PPIP5K2: variants seen among roughly 807,000 people sequenced by gnomAD.
The protein encoded by PPIP5K2 is diphosphoinositol pentakisphosphate kinase 2, also known as inositol hexakisphosphate and diphosphoinositol-pentakisphosphate kinase 2.
PPIP5K2 carries 105 observed loss-of-function variants against 154.6 expected under a neutral mutation model. That is an observed-to-expected ratio of 0.68 (90% CI 0.58 to 0.80). The LOEUF (loss-of-function observed/expected upper bound fraction) is 0.80. PPIP5K2 is among the 30% of genes least tolerant of loss of function. The pLI is 0.00. For missense variants in PPIP5K2, 992 were observed against 1,504.6 expected, an observed-to-expected ratio of 0.66 and a Z score of 5.64; for synonymous variants, 480 against 490.3, an observed-to-expected ratio of 0.98 and a Z score of 0.28.
chr5:103,200,838 A>G (rs782753732), intron 30 of PPIP5K2, among the ~76,000 whole-genome samples: 8 of 151,844 alleles, frequency 5.3e-5, no homozygotes, highest in Admixed American at 2.0e-4. Context: ...GGGTCTCACT[A>G]TGTTGCCAGG....
intron 1 of PPIP5K2, among the ~76,000 whole-genome samples, chr5:103,128,386 C>CTTAT (rs10607990): frequency 0.16 from 23,765 of 148,264 alleles, 1,983 homozygotes; most frequent in Middle Eastern, 0.24. Context: ...TCTTATAGTT[C>CTTAT]TTATTTATTT....
intron 3 of PPIP5K2, among the ~76,000 whole-genome samples, chr5:103,134,305 T>C (rs569149661): frequency 1.3e-5 from 2 of 152,182 alleles, no homozygotes; most frequent in Non-Finnish European, 2.9e-5. Context: ...AAATTATTGC[T>C]GAGGGTACAT....
intron 17 of PPIP5K2, among the ~76,000 whole-genome samples, chr5:103,166,834 T>C (rs1201922564): frequency 6.6e-6 from 1 of 151,870 alleles, no homozygotes; most frequent in Admixed American, 6.6e-5. Context: ...GGGAAATAGA[T>C]CATCTTAGAG....
chr5:103,196,276 A>C (rs1202950639), intron 30 of PPIP5K2, among the ~76,000 whole-genome samples: 1 of 152,156 alleles, frequency 6.6e-6, no homozygotes, highest in Non-Finnish European at 1.5e-5. Flanking sequence ...ACTCTGTGCT[A>C]CTGATTTGTT....
chr5:103,156,051 T>G, intron 14 of PPIP5K2, 57 bp downstream of exon 14: 1 of 1,176,594 alleles, frequency 8.5e-7, no homozygotes, highest in Non-Finnish European at 1.3e-6. Context: ...TGTTATTCAC[T>G]GTTGATTACC....
chr5:103,167,118 A>C, intron 17 of PPIP5K2, 61 bp from the exon 18 acceptor site: 1 of 1,287,440 alleles, frequency 7.8e-7, no homozygotes, highest in Non-Finnish European at 1.0e-6. Context: ...GTATATATAT[A>C]TTGTTCTCTT....
Position 103,205,624 on chromosome 5 carries a change from T to G in PPIP5K2, c.*3990T>G, listed in dbSNP as rs1803472594. ...GGTTCATGTGCTTTGTCATGGATTG[T>G]GAGAAAAACATCTTTTCGCTTAGGG... On this transcript the variant is annotated 3_prime_UTR_variant, in exon 31 of 31. Coordinates refer to ENST00000358359, the MANE Select transcript of PPIP5K2 (RefSeq NM_001276277.3). 1 of 152,226 alleles carries G rather than the reference T, an allele frequency of 6.6e-6. No individual in the cohort carries two copies. The highest frequency in any genetic ancestry group is 6.5e-5 in the Admixed American group (1 of 15,274). 9.4% of individuals were successfully genotyped at this position (152,226 alleles called of 1,614,324 possible).
At chr5:103,148,286 A>G (rs1299955436) in intron 7 of PPIP5K2, 1 of 456,180 alleles carries the variant, frequency 2.2e-6, no homozygotes, top group African/African-American at 2.0e-5. Flanking sequence ...ATATAATAAA[A>G]TATTTAAAAA....
chr5:103,175,068 G>A (rs782775629), intron 21 of PPIP5K2, among the ~76,000 whole-genome samples: 1 of 151,964 alleles, frequency 6.6e-6, no homozygotes, highest in Non-Finnish European at 1.5e-5. Flanking sequence ...ATTTTTCTGT[G>A]CGTATATTGG....
chr5:103,190,769 G>A lies in PPIP5K2; in HGVS notation c.3353-73G>A, dbSNP rs556781632. ...CTAAACTGTCCAGTTCTAAGCAGTA[G>A]TCTTCCTTTCTAATTACTGATTTTT... On this transcript the variant is annotated intron_variant, in intron 28 of 30. Coordinates refer to ENST00000358359, the MANE Select transcript of PPIP5K2 (RefSeq NM_001276277.3). 8.0e-6 allele frequency: 11 copies of A among 1,381,106 alleles called. No individual in the cohort carries two copies. In the South Asian group the frequency reaches 1.5e-4, roughly 19 times the overall value. 85.6% of individuals were successfully genotyped at this position (1,381,106 alleles called of 1,614,324 possible). A position where few individuals can be genotyped will look rare whatever the true frequency, so the allele number is the denominator to read the frequency against.
At chr5:103,164,887 T>A (rs1395573866) in intron 17 of PPIP5K2, among the ~76,000 whole-genome samples, 2 of 152,024 alleles carry the variant, frequency 1.3e-5, no homozygotes, top group South Asian at 2.1e-4. Flanking sequence ...TTCAAAAAAA[T>A]TCATTACAAA....
chr5:103,196,328 A>G (rs571297552), intron 30 of PPIP5K2, among the ~76,000 whole-genome samples: 2 of 152,300 alleles, frequency 1.3e-5, no homozygotes, highest in East Asian at 1.9e-4. Context: ...ACAAGGCCTT[A>G]TAAGTCAGAG....
In PPIP5K2 at chr5:103,123,594, T is replaced by C. The variant is rs79707170; in HGVS notation, c.-285+3106T>C. Among the ~76,000 whole-genome samples the C allele has an allele frequency of 6.7e-3, 1,027 of 152,338 alleles. 7 individuals carry two copies. The highest frequency in any genetic ancestry group is 0.013 in the Non-Finnish European group (855 of 68,028). ...AAGGGATATTTGTCTTTTGTACAGT[T>C]AGATTCCCAAACCTGGCTGCTCATC... is the stretch of plus-strand genomic sequence containing the variant. On this transcript the variant is annotated intron_variant, in intron 1 of 30. Transcript: ENST00000358359.
In PPIP5K2 at chr5:103,172,642, A is replaced by T. The variant is rs575579395; in HGVS notation, c.2287-513A>T. On this transcript the variant is annotated intron_variant, in intron 19 of 30. Transcript: ENST00000358359. The stretch of plus-strand genomic sequence containing the variant: ...CAAATCCAATTAACTCATAATGATT[A>T]TGTCATTAAATTTGATAATTTCATG... 1.1e-4 allele frequency among the ~76,000 whole-genome samples: 16 copies of T among 151,864 alleles called. No homozygotes were observed. The Middle Eastern group carries it at 0.01, about 97-fold the overall frequency.
At chr5:103,146,035 A>G (rs1172914467) in intron 5 of PPIP5K2, among the ~76,000 whole-genome samples, 1 of 152,100 alleles carries the variant, frequency 6.6e-6, no homozygotes, top group Non-Finnish European at 1.5e-5. Flanking sequence ...ATTAAAAATA[A>G]CATTTAAAAA....
rs113851198 is a variant in PPIP5K2, at chr5:103,187,051, A to G, written c.3290-263A>G. On this transcript the variant is annotated intron_variant, in intron 27 of 30. Transcript: ENST00000358359. ...CATTTTCTTATTTATCAACAAATTT[A>G]TTTTAGACAGTAAAACATGGATTTA... Among the ~76,000 whole-genome samples, 1,087 of 152,220 alleles carry G rather than the reference A, an allele frequency of 7.1e-3. 14 individuals carry two copies. The highest frequency in any genetic ancestry group is 0.025 in the African/African-American group (1,036 of 41,522).
At chr5:103,151,178 T>A in intron 8 of PPIP5K2, 75 bp from the exon 9 acceptor site, 4 of 1,293,194 alleles carry the variant, frequency 3.1e-6, no homozygotes, top group Non-Finnish European at 4.2e-6. Flanking sequence ...ATTTGATATG[T>A]TCTGATAGGA....
chr5:103,154,820 A>G lies in PPIP5K2; in HGVS notation c.1294-14A>G, dbSNP rs200471925. 8.9e-4 allele frequency: 1,376 copies of G among 1,552,870 alleles called. 14 individuals are homozygous for G. In the African/African-American group the frequency reaches 0.015, roughly 17 times the overall value. On this transcript the variant is annotated splice_polypyrimidine_tract_variant and intron_variant, in intron 12 of 30. Coordinates refer to ENST00000358359, the MANE Select transcript of PPIP5K2 (RefSeq NM_001276277.3). Reference sequence around the variant, plus strand: ...TTACATAAAAATTCAATTTTTTATTAATTTATTTTATAGGAAGTGCTAGAT... The same window carrying G: ...TTACATAAAAATTCAATTTTTTATTGATTTATTTTATAGGAAGTGCTAGAT...
intron 1 of PPIP5K2, among the ~76,000 whole-genome samples, chr5:103,126,149 AATTTAT>A (rs1261585458): frequency 6.6e-6 from 1 of 152,142 alleles, no homozygotes; most frequent in African/African-American, 2.4e-5. Flanking sequence ...ATTTAAATTA[AATTTAT>A]ATTTAAATGT....
Sources: gnomAD v4.1 joint callset for allele counts (sites outside exome capture counted in the v4.1 genomes callset) on GRCh38, gnomAD v4.1.1 for gene constraint, MANE v1.5 for transcripts, NCBI Gene and HGNC (gene_info 2026-07-23, HGNC 2026-07-21) for gene names.